Variants in RALA observed in about 807,000 individuals in gnomAD.
The protein encoded by RALA is ras-related protein Ral-A.
A neutral mutation model predicts 24.0 loss-of-function variants in RALA; 5 were observed. That is an observed-to-expected ratio of 0.21 (90% confidence interval 0.11 to 0.44). The LOEUF (loss-of-function observed/expected upper bound fraction) is 0.44, where lower values mean the gene tolerates loss of function less well. Ranked by LOEUF, RALA falls within the 20% of genes least tolerant of loss-of-function variation. The pLI is 0.99. For synonymous variants in RALA, 77 were observed against 83.8 expected (o/e 0.92, Z 0.44); for missense variants, 95 against 241.2 (o/e 0.39, Z 4.01).
intron 1 of RALA, among the ~76,000 whole-genome samples, chr7:39,679,318 A>G (rs1171243835): frequency 3.3e-5 from 5 of 152,070 alleles, no homozygotes; most frequent in Admixed American, 6.6e-5. Context: ...GTTTGGTTTG[A>G]TTTTAATTAC....
chr7:39,698,446 A>G (rs2116103794), intron 4 of RALA, among the ~76,000 whole-genome samples: 1 of 152,340 alleles, frequency 6.6e-6, no homozygotes, highest in Admixed American at 6.5e-5. Flanking sequence ...AAATGAAATC[A>G]CATATGTAAA....
chr7:39,636,258 C>A (rs147174408), intron 1 of RALA, among the ~76,000 whole-genome samples: 1,988 of 152,270 alleles, frequency 0.013, 22 homozygotes, highest in Middle Eastern at 0.034. Context: ...ATAATAACTC[C>A]CATGTTTAAC....
chr7:39,659,383 G>A (rs2115990651), intron 1 of RALA, among the ~76,000 whole-genome samples: 1 of 152,090 alleles, frequency 6.6e-6, no homozygotes, highest in East Asian at 1.9e-4. Flanking sequence ...GATTTTCAGG[G>A]AATTGTCAAG....
intron 1 of RALA, among the ~76,000 whole-genome samples, chr7:39,674,041 G>GTAAAAAAA (rs751747445): frequency 0.26 from 12,481 of 48,720 alleles, 704 homozygotes; most frequent in Middle Eastern, 0.42. Context: ...GGCATGCACT[G>GTAAAAAAA]TAAATAAATA....
intron 3 of RALA, among the ~76,000 whole-genome samples, chr7:39,695,433 A>G (rs149272420): frequency 1.3e-5 from 2 of 149,488 alleles, no homozygotes; most frequent in East Asian, 2.0e-4. Flanking sequence ...TTTTTTTGAG[A>G]CAGGATCTTA....
intron 1 of RALA, among the ~76,000 whole-genome samples, chr7:39,658,788 G>T (rs962382488): frequency 6.6e-6 from 1 of 151,402 alleles, no homozygotes; most frequent in East Asian, 1.9e-4. Context: ...TTACCACGTT[G>T]CCCAGGCTGG....
intron 1 of RALA, among the ~76,000 whole-genome samples, chr7:39,659,914 A>T (rs1213043537): frequency 6.6e-6 from 1 of 152,112 alleles, no homozygotes; most frequent in Non-Finnish European, 1.5e-5. Context: ...TATAAAAATG[A>T]CTCTCAAAAA....
intron 1 of RALA, chr7:39,624,473 A>T (rs979529882): frequency 1.3e-5 from 2 of 151,980 alleles, no homozygotes; most frequent in Admixed American, 1.3e-4. Context: ...TTTGGGAGAG[A>T]GGTGTTTCCT....
intron 1 of RALA, among the ~76,000 whole-genome samples, chr7:39,625,647 A>T (rs932350868): frequency 6.6e-6 from 1 of 152,210 alleles, no homozygotes; most frequent in East Asian, 1.9e-4. Flanking sequence ...GTGTGCAATA[A>T]TATGGATCAT....
Position 39,623,862 on chromosome 7 carries a change from T to G in RALA, c.-38+37T>G, listed in dbSNP as rs1442770080. ...CCGCTCGGGCCGCCCGGGGAGGGAC[T>G]GGGGCCACCCGGGCGGCGGCGGGGG... is the stretch of plus-strand genomic sequence containing the variant. On this transcript the variant is annotated intron_variant, in intron 1 of 4. Coordinates refer to ENST00000005257, the MANE Select transcript of RALA (RefSeq NM_005402.4). The surrounding 1 kb of genome is among the most constrained non-coding windows in gnomAD (Gnocchi z 4.9). The G allele has an allele frequency of 2.0e-5, 3 of 151,584 alleles. No individual in the cohort carries two copies. The highest frequency in any genetic ancestry group is 1.5e-5 in the Non-Finnish European group (1 of 67,944). 9.4% of individuals were successfully genotyped at this position (151,584 alleles called of 1,614,324 possible).
intron 1 of RALA, among the ~76,000 whole-genome samples, chr7:39,663,363 T>C (rs1459796579): frequency 6.6e-6 from 1 of 152,222 alleles, no homozygotes; most frequent in Non-Finnish European, 1.5e-5. Flanking sequence ...AATACCTACT[T>C]CAAATGCCAT....
chr7:39,634,459 TTTG>T (rs937068995), intron 1 of RALA, among the ~76,000 whole-genome samples: 3 of 152,150 alleles, frequency 2.0e-5, no homozygotes, highest in African/African-American at 7.2e-5. Context: ...TCTGTTCTTT[TTTG>T]TTGTTGTCTT....
At chr7:39,662,165 C>G (rs1436756583) in intron 1 of RALA, among the ~76,000 whole-genome samples, 5 of 152,132 alleles carry the variant, frequency 3.3e-5, no homozygotes. Context: ...CTTTTGAAAC[C>G]ATTTTTTCCT....
chr7:39,707,193 C>T lies in RALA; in HGVS notation c.*948C>T, dbSNP rs1793133814. The T allele has an allele frequency of 1.3e-5, 2 of 152,224 alleles. No individual in the cohort carries two copies. The highest frequency in any genetic ancestry group is 2.4e-5 in the African/African-American group (1 of 41,392). The allele number at this position is 152,224 out of a possible 1,614,324, so 9.4% of individuals were successfully genotyped here. ...CCTCCTTTTCTCTGAGATTCTGGTC[C>T]CTGGAAATCCCTTTCTGCTAGTGGT... On this transcript the variant is annotated 3_prime_UTR_variant, in exon 5 of 5. Coordinates refer to ENST00000005257, the MANE Select transcript of RALA (RefSeq NM_005402.4).
At chr7:39,671,319 G>A (rs117827233) in intron 1 of RALA, among the ~76,000 whole-genome samples, 2,567 of 152,016 alleles carry the variant, frequency 0.017, 31 homozygotes, top group Non-Finnish European at 0.029. Context: ...CACTTAATTT[G>A]CTAATGCTTT....
At chr7:39,692,018 A>G (rs934450883) in intron 3 of RALA, among the ~76,000 whole-genome samples, 1 of 152,180 alleles carries the variant, frequency 6.6e-6, no homozygotes, top group Non-Finnish European at 1.5e-5. Flanking sequence ...AGGATGATTC[A>G]TTACTCTTAG....
At chr7:39,672,068 C>T (rs1055390817) in intron 1 of RALA, among the ~76,000 whole-genome samples, 2 of 151,920 alleles carry the variant, frequency 1.3e-5, no homozygotes, top group African/African-American at 4.8e-5. Flanking sequence ...AAATGTCAAA[C>T]ATTTTTGAGA....
At chr7:39,699,124 T>TTA (rs1792973414) in intron 4 of RALA, among the ~76,000 whole-genome samples, 1 of 98,256 alleles carries the variant, frequency 1.0e-5, no homozygotes, top group Non-Finnish European at 2.0e-5. Flanking sequence ...AAATGTTATT[T>TTA]TTTTTTTTTT....
At position 39,707,215 on chromosome 7, in the gene RALA, T is replaced by C. The variant is rs1375806088; in HGVS notation, c.*970T>C. 1 of 152,228 alleles carries C rather than the reference T, an allele frequency of 6.6e-6. No homozygotes were observed. The highest frequency in any genetic ancestry group is 1.5e-5 in the Non-Finnish European group (1 of 68,044). 9.4% of individuals were successfully genotyped at this position (152,228 alleles called of 1,614,324 possible). On this transcript the variant is annotated 3_prime_UTR_variant, in exon 5 of 5. Coordinates refer to ENST00000005257, the MANE Select transcript of RALA (RefSeq NM_005402.4). The stretch of plus-strand genomic sequence containing the variant: ...GTCCCTGGAAATCCCTTTCTGCTAG[T>C]GGTGAGCATGTAAGTGTTAAGTTTT...
Sources: allele counts gnomAD v4.1 joint callset (sites outside exome capture counted in the v4.1 genomes callset), GRCh38; gene constraint gnomAD v4.1.1; non-coding constraint Gnocchi (gnomAD v3.1); transcripts MANE v1.5; gene names NCBI Gene and HGNC (gene_info 2026-07-23, HGNC 2026-07-21).